CDH2: variants seen among roughly 807,000 people sequenced by gnomAD.
The protein encoded by CDH2 is cadherin-2.
Under a neutral mutation model 92.0 loss-of-function variants are expected in CDH2, and 17 were observed. The ratio of observed to expected loss-of-function variants is 0.18; its 90% confidence interval spans 0.13 to 0.28. CDH2 has a LOEUF of 0.28. Among genes scored for constraint, CDH2 ranks in the 10% least tolerant of loss-of-function variants. The pLI is 1.00. For synonymous variants in CDH2, 419 were observed against 415.9 expected, an observed-to-expected ratio of 1.01 and a Z score of -0.09; for missense variants, 862 against 1,133.1, an observed-to-expected ratio of 0.76 and a Z score of 3.44.
intron 2 of CDH2, among the ~76,000 whole-genome samples, chr18:28,102,022 A>G (rs2015234941): frequency 6.6e-6 from 1 of 152,062 alleles, no homozygotes; most frequent in Non-Finnish European, 1.5e-5. Flanking sequence ...AAGTTAAAGC[A>G]TGTTCCTATT....
intron 2 of CDH2, among the ~76,000 whole-genome samples, chr18:28,062,784 C>T (rs1051513171): frequency 7.2e-5 from 11 of 152,104 alleles, no homozygotes; most frequent in African/African-American, 2.7e-4. Context: ...GACCAGCCTG[C>T]CAACATGGTG....
chr18:28,123,960 T>C (rs529997558), intron 2 of CDH2, among the ~76,000 whole-genome samples: 1 of 152,154 alleles, frequency 6.6e-6, no homozygotes, highest in Non-Finnish European at 1.5e-5. Flanking sequence ...AAAACTTATG[T>C]TAAATTCAAA....
At chr18:28,093,954 T>G (rs2015081205) in intron 2 of CDH2, among the ~76,000 whole-genome samples, 1 of 152,184 alleles carries the variant, frequency 6.6e-6, no homozygotes. Context: ...GAGGTGGTCC[T>G]CAAATTCGAC....
chr18:28,152,299 A>C (rs1447933349), intron 1 of CDH2, among the ~76,000 whole-genome samples: 1 of 152,210 alleles, frequency 6.6e-6, no homozygotes, highest in Non-Finnish European at 1.5e-5. Context: ...TAAGTACAAC[A>C]AATAATTACA....
chr18:28,097,795 A>T (rs1426776978), intron 2 of CDH2, among the ~76,000 whole-genome samples: 1 of 152,228 alleles, frequency 6.6e-6, no homozygotes, highest in African/African-American at 2.4e-5. Flanking sequence ...ACTTAAATGC[A>T]TTATTTAAAA....
intron 14 of CDH2, among the ~76,000 whole-genome samples, chr18:27,973,901 C>T (rs1327078857): frequency 5.3e-5 from 8 of 152,128 alleles, no homozygotes; most frequent in Admixed American, 2.6e-4. Flanking sequence ...GAGTCTTTGG[C>T]GCTTAGGTCC....
At chr18:28,066,557 T>C (rs1253329516) in intron 2 of CDH2, among the ~76,000 whole-genome samples, 1 of 152,116 alleles carries the variant, frequency 6.6e-6, no homozygotes, top group Non-Finnish European at 1.5e-5. Flanking sequence ...TTACTGCCTA[T>C]CAAGCAGACA....
At chr18:28,046,461 A>C (rs529871988) in intron 2 of CDH2, among the ~76,000 whole-genome samples, 2 of 152,338 alleles carry the variant, frequency 1.3e-5, no homozygotes, top group South Asian at 4.1e-4. Context: ...CAGAAACCCA[A>C]AAAGTAAGAA....
At position 28,043,461 on chromosome 18, in the gene CDH2, A is replaced by AATATATATATATATATATATATATAT. The variant is rs1158754890; in HGVS notation, c.173-29578_173-29553dup. 8.9e-4 allele frequency among the ~76,000 whole-genome samples: 64 copies of AATATATATATATATATATATATATAT among 71,912 alleles called. 1 individual carries two copies. Among genetic ancestry groups the AATATATATATATATATATATATATAT allele is most frequent in the Non-Finnish European group, 1.2e-3 (48 of 38,446 alleles). 47.2% of individuals were successfully genotyped at this position (71,912 alleles called of 152,430 possible). A position where few individuals can be genotyped will look rare whatever the true frequency, so the allele number is the denominator to read the frequency against. On this transcript the variant is annotated intron_variant, in intron 2 of 15. Transcript: ENST00000269141. Reference sequence around the variant, plus strand: ...ACCCTAAAAATTACTGATATAAATAAATATATATATATATATATATATATA... The same window carrying AATATATATATATATATATATATATAT: ...ACCCTAAAAATTACTGATATAAATAAATATATATATATATATATATATATATATATATATATATATATATATATATA...
intron 1 of CDH2, among the ~76,000 whole-genome samples, chr18:28,154,164 A>C (rs2016171129): frequency 6.6e-6 from 1 of 152,250 alleles, no homozygotes; most frequent in South Asian, 2.1e-4. Context: ...AGGAATACAG[A>C]AACCATGATT....
At chr18:27,941,263 CTGACCT>C (rs1909133641) in intron 6 of CDH2, among the ~76,000 whole-genome samples, 1 of 152,068 alleles carries the variant, frequency 6.6e-6, no homozygotes, top group Non-Finnish European at 1.5e-5. Context: ...TCTTGATCTC[CTGACCT>C]CGTGATCCGC....
chr18:28,039,506 A>G (rs2013906972), intron 2 of CDH2, among the ~76,000 whole-genome samples: 1 of 152,206 alleles, frequency 6.6e-6, no homozygotes, highest in African/African-American at 2.4e-5. Flanking sequence ...ATTATGGCTC[A>G]GGGAGATTAA....
At chr18:28,175,993 G>A (rs1395327426) in intron 1 of CDH2, among the ~76,000 whole-genome samples, 1 of 152,222 alleles carries the variant, frequency 6.6e-6, no homozygotes, top group Non-Finnish European at 1.5e-5. Context: ...GGAGCCTGGG[G>A]GCATCCTCGG....
chr18:27,988,644 C>T lies in CDH2; in HGVS notation c.1621G>A (p.Ala541Thr), dbSNP rs1409652618. The T allele has an allele frequency of 6.2e-7, 1 of 1,605,118 alleles. No homozygotes were observed. Among genetic ancestry groups the T allele is most frequent in the South Asian group, 1.1e-5 (1 of 90,706 alleles). ...ACAGGATCTATTTTTAGCCAATTGGCAGGATCAGATAATTTAGTGTATCTA... is the reference window on the plus strand; with the variant it reads ...ACAGGATCTATTTTTAGCCAATTGGTAGGATCAGATAATTTAGTGTATCTA... ...NIRYTKLSDP[A>T]NWLKIDPVNG... Residue 541 changes from alanine (A) to threonine (T), a missense_variant, in exon 11 of 16, where the codon GCC becomes ACC. Coordinates refer to ENST00000269141, the MANE Select transcript of CDH2 (RefSeq NM_001792.5).
intron 2 of CDH2, among the ~76,000 whole-genome samples, chr18:28,122,408 T>C (rs895749995): frequency 3.3e-5 from 5 of 152,180 alleles, no homozygotes; most frequent in African/African-American, 9.6e-5. Context: ...TTCTTTTTGT[T>C]TTCCCTACTC....
intron 2 of CDH2, among the ~76,000 whole-genome samples, chr18:28,108,906 C>A (rs898078956): frequency 6.6e-6 from 1 of 152,046 alleles, no homozygotes; most frequent in Non-Finnish European, 1.5e-5. Flanking sequence ...ATTTACCTGG[C>A]AAATCATGAA....
chr18:27,938,909 A>AT (rs1440972304), intron 6 of CDH2, among the ~76,000 whole-genome samples: 3 of 152,214 alleles, frequency 2.0e-5, no homozygotes, highest in Admixed American at 6.5e-5. Context: ...TTAGCAAGGA[A>AT]TTCAAATGTT....
At chr18:28,023,013 A>AT (rs1329809326) in intron 2 of CDH2, among the ~76,000 whole-genome samples, 1 of 152,064 alleles carries the variant, frequency 6.6e-6, no homozygotes, top group Non-Finnish European at 1.5e-5. Context: ...CACACAATGT[A>AT]TTTTTTTAAT....
At chr18:28,159,936 C>T (rs773857526) in intron 1 of CDH2, among the ~76,000 whole-genome samples, 4 of 152,194 alleles carry the variant, frequency 2.6e-5, no homozygotes, top group East Asian at 1.9e-4. Context: ...GGATTACAGG[C>T]GTGAGCCACC....
Sources: allele counts gnomAD v4.1 joint callset (sites outside exome capture counted in the v4.1 genomes callset), GRCh38; gene constraint gnomAD v4.1.1; transcripts MANE v1.5; gene names NCBI Gene and HGNC (gene_info 2026-07-23, HGNC 2026-07-21).